The following CDH13 variants were observed in gnomAD, a reference collection of about 807,000 sequenced individuals.
CDH13 encodes the protein cadherin 13.
In CDH13, 24 loss-of-function variants were observed where a neutral mutation model predicts 63.8. That is an observed-to-expected ratio of 0.38 (90% CI 0.27 to 0.53). The LOEUF (loss-of-function observed/expected upper bound fraction) is 0.53, where lower values mean the gene tolerates loss of function less well. Ranked by LOEUF, CDH13 falls within the 20% of genes least tolerant of loss-of-function variation. The pLI, the probability that CDH13 is intolerant of heterozygous loss-of-function variation, is 0.85. For synonymous variants in CDH13, 503 were observed against 355.3 expected, an observed-to-expected ratio of 1.42 and a Z score of -4.67; for missense variants, 1,049 against 903.1, an observed-to-expected ratio of 1.16 and a Z score of -2.07.
chr16:83,793,501 T>C (rs1053653072), intron 13 of CDH13, among the ~76,000 whole-genome samples: 2 of 152,184 alleles, frequency 1.3e-5, no homozygotes, highest in African/African-American at 4.8e-5. Context: ...TGTGAAGTTT[T>C]CTACATGAGT....
chr16:83,322,956 C>A (rs1214499314), intron 5 of CDH13, among the ~76,000 whole-genome samples: 1 of 152,078 alleles, frequency 6.6e-6, no homozygotes, highest in Non-Finnish European at 1.5e-5. Flanking sequence ...AGAAACCTGG[C>A]ATCCCCATGG....
intron 2 of CDH13, among the ~76,000 whole-genome samples, chr16:82,893,240 C>T (rs2041143824): frequency 6.6e-6 from 1 of 152,188 alleles, no homozygotes; most frequent in South Asian, 2.1e-4. Flanking sequence ...TAAAATCACA[C>T]AAATACATAC....
intron 2 of CDH13, among the ~76,000 whole-genome samples, chr16:82,980,823 C>T (rs1910163470): frequency 6.6e-6 from 1 of 152,182 alleles, no homozygotes; most frequent in Non-Finnish European, 1.5e-5. Context: ...CTGTTTGTTT[C>T]ATGACTGAGC....
chr16:83,010,135 CA>C (rs67985333), intron 2 of CDH13, among the ~76,000 whole-genome samples: 1,180 of 50,002 alleles, frequency 0.024, 5 homozygotes, highest in Non-Finnish European at 0.028. Flanking sequence ...AACTCTGTCT[CA>C]AAAAAAAAAA....
intron 5 of CDH13, among the ~76,000 whole-genome samples, chr16:83,303,833 C>T (rs921186877): frequency 3.9e-5 from 6 of 152,174 alleles, no homozygotes; most frequent in Admixed American, 1.3e-4. Flanking sequence ...CACCCTTAAA[C>T]TACACCTTGG....
chr16:83,245,238 C>G (rs777005972), intron 5 of CDH13, among the ~76,000 whole-genome samples: 8 of 152,218 alleles, frequency 5.3e-5, no homozygotes, highest in Non-Finnish European at 1.0e-4. Context: ...TGCCACCCCC[C>G]ACTGTACATC....
chr16:82,718,983 T>A (rs1387829470), intron 1 of CDH13, among the ~76,000 whole-genome samples: 1 of 152,214 alleles, frequency 6.6e-6, no homozygotes, highest in East Asian at 1.9e-4. Flanking sequence ...GTATCTGTTC[T>A]GGTTGATTGA....
At chr16:83,185,946 C>G (rs954344765) in intron 4 of CDH13, among the ~76,000 whole-genome samples, 1 of 152,004 alleles carries the variant, frequency 6.6e-6, no homozygotes, top group Non-Finnish European at 1.5e-5. Flanking sequence ...AATTATCATC[C>G]CCTTTTTGTT....
intron 10 of CDH13, among the ~76,000 whole-genome samples, chr16:83,738,696 A>G (rs1306125229): frequency 6.6e-6 from 1 of 152,204 alleles, no homozygotes; most frequent in Non-Finnish European, 1.5e-5. Context: ...TCACAAGGTC[A>G]GGAGTCTGAG....
chr16:83,060,042 C>T (rs1036853945), intron 3 of CDH13, among the ~76,000 whole-genome samples: 13 of 152,018 alleles, frequency 8.6e-5, no homozygotes, highest in African/African-American at 2.9e-4. Context: ...GATCCGCAAG[C>T]CTCGGCCTCC....
intron 5 of CDH13, among the ~76,000 whole-genome samples, chr16:83,336,527 C>T (rs1162851096): frequency 6.6e-6 from 1 of 152,096 alleles, no homozygotes; most frequent in African/African-American, 2.4e-5. Context: ...GAAACGGAGT[C>T]ACATTGTGTT....
chr16:83,776,855 C>G (rs1300866913), intron 11 of CDH13, among the ~76,000 whole-genome samples: 1 of 152,196 alleles, frequency 6.6e-6, no homozygotes, highest in Non-Finnish European at 1.5e-5. Context: ...CTCTGGCATT[C>G]TGAACTTTCA....
intron 7 of CDH13, among the ~76,000 whole-genome samples, chr16:83,495,998 G>C (rs999542914): frequency 2.0e-5 from 3 of 150,918 alleles, no homozygotes; most frequent in African/African-American, 4.9e-5. Context: ...CACTGCTCAA[G>C]GAAATAAAAG....
chr16:83,042,186 C>G (rs1043311904), intron 3 of CDH13, among the ~76,000 whole-genome samples: 4 of 152,148 alleles, frequency 2.6e-5, no homozygotes, highest in African/African-American at 7.2e-5. Context: ...TGTCTGAGTA[C>G]CAGTCCGTGG....
intron 10 of CDH13, among the ~76,000 whole-genome samples, chr16:83,709,195 CAA>C (rs1238640323): frequency 6.6e-6 from 1 of 152,114 alleles, no homozygotes; most frequent in Admixed American, 6.5e-5. Context: ...AGCAAAGAAA[CAA>C]ATTCTGCCCT....
intron 1 of CDH13, among the ~76,000 whole-genome samples, chr16:82,833,629 C>A (rs553956430): frequency 1.3e-5 from 2 of 152,238 alleles, no homozygotes; most frequent in Non-Finnish European, 2.9e-5. Flanking sequence ...CCTTCCCTCC[C>A]GCTCTGTTCT....
Position 83,586,551 on chromosome 16 carries a change from C to T in CDH13, c.961-15903C>T, listed in dbSNP as rs1906178466. On this transcript the variant is annotated intron_variant, in intron 7 of 13. Coordinates refer to ENST00000567109, the MANE Select transcript of CDH13 (RefSeq NM_001257.5). The stretch of plus-strand genomic sequence containing the variant: ...CCAAATGTTAAGTCGTAACATCTGA[C>T]TTGTTGTTCCTTGCTCTGCTAACGA... Among the ~76,000 whole-genome samples the T allele has an allele frequency of 2.6e-5, 4 of 152,178 alleles. No individual in the cohort carries two copies. In the South Asian group the frequency reaches 8.3e-4, roughly 31 times the overall value.
At chr16:82,652,744 T>G (rs1910874736) in intron 1 of CDH13, among the ~76,000 whole-genome samples, 1 of 151,976 alleles carries the variant, frequency 6.6e-6, no homozygotes, top group South Asian at 2.1e-4. Context: ...CCAATGACCT[T>G]TAAAGCCTTT....
At chr16:83,521,922 A>G (rs997056623) in intron 7 of CDH13, among the ~76,000 whole-genome samples, 1 of 152,260 alleles carries the variant, frequency 6.6e-6, no homozygotes, top group African/African-American at 2.4e-5. Flanking sequence ...TTTAAATGAA[A>G]GAGTGTAGAG....
Sources: gnomAD v4.1 joint callset for allele counts (sites outside exome capture counted in the v4.1 genomes callset) on GRCh38, gnomAD v4.1.1 for gene constraint, MANE v1.5 for transcripts, NCBI Gene and HGNC (gene_info 2026-07-23, HGNC 2026-07-21) for gene names.